The following GPRC5C variants were observed in gnomAD, a reference collection of about 807,000 sequenced individuals.
The protein encoded by GPRC5C is G protein-coupled receptor class C group 5 member C, also known as G protein-coupled receptor family C group 5 member C.
Under a neutral mutation model 31.4 loss-of-function variants are expected in GPRC5C, and 22 were observed. The ratio of observed to expected loss-of-function variants is 0.70; its 90% CI spans 0.50 to 1.00. The LOEUF is 1.00. GPRC5C is among the 50% of genes least tolerant of loss of function. The probability of loss-of-function intolerance (pLI) is 0.00; values close to 1 mark genes in which losing one functional copy is unlikely to be tolerated. For synonymous variants in GPRC5C, 249 were observed against 257.5 expected (o/e 0.97, Z 0.32); for missense variants, 557 against 597.2 (o/e 0.93, Z 0.70).
chr17:74,449,503 C>T (rs2055690311), downstream of GPRC5C: 3 of 444,738 alleles, frequency 6.7e-6, no homozygotes, highest in South Asian at 3.8e-5. Flanking sequence ...AGCAGTGGAC[C>T]GAGTGGGCCC....
chr17:74,441,606 T>G (rs1036906124), intron 2 of GPRC5C, among the ~76,000 whole-genome samples: 3 of 152,158 alleles, frequency 2.0e-5, no homozygotes, highest in African/African-American at 4.8e-5. Context: ...GAGTGGAGCT[T>G]GAGCCTAGGA....
In GPRC5C at chr17:74,447,112, C is replaced by T; in HGVS notation, c.*84C>T. The T allele has an allele frequency of 6.6e-7, 1 of 1,513,770 alleles. No individual in the cohort carries two copies. Among genetic ancestry groups the T allele is most frequent in the Non-Finnish European group, 8.9e-7 (1 of 1,129,690 alleles). 93.8% of individuals were successfully genotyped at this position (1,513,770 alleles called of 1,614,324 possible). A position where few individuals can be genotyped will look rare whatever the true frequency, so the allele number is the denominator to read the frequency against. ...GGGCAAGGGACTCTCCAGGCTCCTC[C>T]TCCCCCTGGCAGGCCCAGCAACATG... On this transcript the variant is annotated 3_prime_UTR_variant, in exon 4 of 4. Transcript: ENST00000392627.
downstream of GPRC5C, chr17:74,451,251 C>A (rs905919023): frequency 4.6e-5 from 7 of 152,188 alleles, no homozygotes; most frequent in African/African-American, 1.7e-4. Context: ...GGGCCTGATA[C>A]CCAGAGGCTG....
chr17:74,439,625 A>G (rs2055493491), intron 1 of GPRC5C, 120 bp from the exon 2 acceptor site: 2 of 899,780 alleles, frequency 2.2e-6, no homozygotes, highest in African/African-American at 3.3e-5. Flanking sequence ...TGAGGTCCAG[A>G]GAGCCTCACG....
chr17:74,438,105 G>T (rs1309219636), intron 1 of GPRC5C, among the ~76,000 whole-genome samples: 1 of 149,578 alleles, frequency 6.7e-6, no homozygotes, highest in Non-Finnish European at 1.5e-5. Flanking sequence ...TGCAATCGCA[G>T]CTCACTGCAG....
chr17:74,435,547 GGGCAGGTACA>G (rs1186512392), intron 1 of GPRC5C, among the ~76,000 whole-genome samples: 1 of 152,192 alleles, frequency 6.6e-6, no homozygotes, highest in Non-Finnish European at 1.5e-5. Flanking sequence ...ATGCGGTGAG[GGGCAGGTACA>G]GGCTCCTCTC....
Position 74,440,509 on chromosome 17 carries a change from G to A in GPRC5C, c.733G>A (p.Val245Met). ...GCGCTGGCGTAAGCATGGGGTCTTTGTGCTCCTCACCACAGCCACCTCCGT... is the reference window on the plus strand; with the variant it reads ...GCGCTGGCGTAAGCATGGGGTCTTTATGCTCCTCACCACAGCCACCTCCGT... ...YKRWRKHGVF[V>M]LLTTATSVAI... The change falls in exon 2 of 4, where the codon GTG becomes ATG. Residue 245 changes from valine to methionine, a missense_variant. Physicochemically the swap from Val to Met is conservative, Grantham distance 21. Coordinates refer to ENST00000392627, the MANE Select transcript of GPRC5C (RefSeq NM_022036.4). This position sits in a 1 kb window ranked among gnomAD's most constrained non-coding sequence, Gnocchi z 4.4. The A allele has an allele frequency of 6.2e-7, 1 of 1,614,148 alleles. No individual in the cohort carries two copies. The highest frequency in any genetic ancestry group is 8.5e-7 in the Non-Finnish European group (1 of 1,180,024).
intron 3 of GPRC5C, among the ~76,000 whole-genome samples, chr17:74,444,316 G>A (rs2055592478): frequency 6.6e-6 from 1 of 152,170 alleles, no homozygotes. Flanking sequence ...TCACAGGTCT[G>A]GATAGGTGTT....
At chr17:74,433,600 G>C in intron 1 of GPRC5C, 1 of 900,516 alleles carries the variant, frequency 1.1e-6, no homozygotes. Context: ...ACCGATAGGA[G>C]TGGAGGCAGG....
In GPRC5C at chr17:74,446,951, C is replaced by A; in HGVS notation, c.1249C>A (p.Gln417Lys). ...TLRAEDMYSA[Q>K]SHQAATPPKD... ...GCGGGCTGAAGACATGTACTCGGCC[C>A]AGAGCCACCAGGCGGCCACACCGCC... Residue 417 changes from glutamine (Q) to lysine (K), a missense_variant, in exon 4 of 4, where the codon CAG (glutamine) becomes AAG (lysine). By Grantham distance (53) the Gln-to-Lys change is moderately conservative. Transcript: ENST00000392627. The A allele has an allele frequency of 6.2e-7, 1 of 1,614,166 alleles. No individual in the cohort carries two copies. Among genetic ancestry groups the A allele is most frequent in the Non-Finnish European group, 8.5e-7 (1 of 1,180,008 alleles).
chr17:74,444,097 G>T (rs2055588278), intron 3 of GPRC5C, among the ~76,000 whole-genome samples, 185 bp downstream of exon 3: 1 of 152,176 alleles, frequency 6.6e-6, no homozygotes, highest in African/African-American at 2.4e-5. Flanking sequence ...TCCTTGTCCT[G>T]GAGTCAGTGT....
chr17:74,434,342 G>T (rs886511282), intron 1 of GPRC5C, among the ~76,000 whole-genome samples: 1 of 152,166 alleles, frequency 6.6e-6, no homozygotes, highest in Non-Finnish European at 1.5e-5. Flanking sequence ...CCTGGGTGTG[G>T]AGAAATGCAC....
At chr17:74,442,922 C>CCGGT (rs925426737) in intron 2 of GPRC5C, among the ~76,000 whole-genome samples, 2 of 152,080 alleles carry the variant, frequency 1.3e-5, no homozygotes, top group Non-Finnish European at 2.9e-5. Context: ...ACACTGAATG[C>CCGGT]CGGTCGGGGC....
In GPRC5C at chr17:74,447,016, C is replaced by G; in HGVS notation, c.1314C>G (p.Tyr438Ter). Residue 438 changes from tyrosine (Y) to a stop codon, truncating the protein, a stop_gained, in exon 4 of 4, where the codon TAC becomes TAG. Transcript: ENST00000392627. LOFTEE classifies it high-confidence loss of function. The part of the protein sequence containing the change: ...GKNSQVFRNP[Y>*]VWD The stretch of plus-strand genomic sequence containing the variant: ...ACTCTCAGGTCTTTAGAAACCCCTA[C>G]GTGTGGGACTGAGTCAGCGGTGGCG... 6.2e-7 allele frequency: 1 copy of G among 1,612,074 alleles called. No homozygotes were observed. The highest frequency in any genetic ancestry group is 8.5e-7 in the Non-Finnish European group (1 of 1,178,300).
At chr17:74,448,745 C>T (rs1454252927), downstream of GPRC5C, 2 of 564,726 alleles carry the variant, frequency 3.5e-6, no homozygotes. Context: ...TATCCCTTTT[C>T]CAGATTCAAA....
intron 1 of GPRC5C, among the ~76,000 whole-genome samples, chr17:74,438,612 TG>T (rs1364264141): frequency 2.6e-5 from 4 of 152,106 alleles, no homozygotes; most frequent in African/African-American, 9.7e-5. Flanking sequence ...TTGCCCAGGC[TG>T]GTCTCAAACT....
chr17:74,445,399 C>G (rs1428461150), intron 3 of GPRC5C: 1 of 152,882 alleles, frequency 6.5e-6, no homozygotes, highest in South Asian at 2.1e-4. Flanking sequence ...TCAGCACTCC[C>G]TCCCCCAGCC....
chr17:74,441,603 G>A (rs898367767), intron 2 of GPRC5C, among the ~76,000 whole-genome samples: 1 of 152,156 alleles, frequency 6.6e-6, no homozygotes, highest in Non-Finnish European at 1.5e-5. Flanking sequence ...GGTGAGTGGA[G>A]CTTGAGCCTA....
chr17:74,438,252 TTTGTTG>T (rs146623867), intron 1 of GPRC5C, among the ~76,000 whole-genome samples: 1 of 107,684 alleles, frequency 9.3e-6, no homozygotes, highest in South Asian at 3.0e-4. Flanking sequence ...TATATATATA[TTTGTTG>T]TTGTTGTTGT....
Sources: allele counts gnomAD v4.1 joint callset (sites outside exome capture counted in the v4.1 genomes callset), GRCh38; gene constraint gnomAD v4.1.1; non-coding constraint Gnocchi (gnomAD v3.1); transcripts MANE v1.5; gene names NCBI Gene and HGNC (gene_info 2026-07-23, HGNC 2026-07-21).